Variants in KTN1 observed in about 807,000 individuals in gnomAD.
KTN1 encodes the protein kinectin 1, also known as kinectin.
Under a neutral mutation model 222.5 loss-of-function variants are expected in KTN1, and 130 were observed. The ratio of observed to expected loss-of-function variants is 0.58; its 90% CI spans 0.51 to 0.68. KTN1 has a LOEUF of 0.68. KTN1 is among the 30% of genes least tolerant of loss of function. KTN1 has a pLI of 0.00. For synonymous variants in KTN1, 512 were observed against 496.3 expected (o/e 1.03, Z -0.42); for missense variants, 1,508 against 1,500.4 (o/e 1.01, Z -0.08).
At chr14:55,593,171 A>G (rs912799942) in intron 1 of KTN1, among the ~76,000 whole-genome samples, 1 of 151,920 alleles carries the variant, frequency 6.6e-6, no homozygotes, top group African/African-American at 2.4e-5. Context: ...TTGTTTGGCA[A>G]CCCTTTTGCT....
At chr14:55,638,269 T>C (rs1323770365) in intron 12 of KTN1, among the ~76,000 whole-genome samples, 2 of 152,026 alleles carry the variant, frequency 1.3e-5, no homozygotes, top group African/African-American at 2.4e-5. Flanking sequence ...AAATGATCAA[T>C]TGAAAATTTG....
chr14:55,649,745 A>G (rs1595100365), intron 21 of KTN1, 31 bp from the exon 22 acceptor site: 1 of 1,350,504 alleles, frequency 7.4e-7, no homozygotes, highest in Non-Finnish European at 1.0e-6. Context: ...TTTTGAACAA[A>G]TTACTAAGTA....
chr14:55,646,496 TTTCCTTTCCTTTCCTTTCC>T (rs2042354831), intron 18 of KTN1, among the ~76,000 whole-genome samples: 13 of 113,972 alleles, frequency 1.1e-4, no homozygotes, highest in Admixed American at 3.7e-4. Context: ...TTTCCTTTCC[TTTCCTTTCCTTTCCTTTCC>T]TTTCCTTTCC....
intron 18 of KTN1, among the ~76,000 whole-genome samples, chr14:55,643,561 T>C (rs1444547946): frequency 6.6e-6 from 1 of 152,218 alleles, no homozygotes; most frequent in Non-Finnish European, 1.5e-5. Flanking sequence ...ATTAACTTCA[T>C]GGAGGTAAAA....
Position 55,610,873 on chromosome 14 carries a change from T to G in KTN1, c.-30-1146T>G, listed in dbSNP as rs547990087. Reference sequence around the variant, plus strand: ...GTATATTCAAGGCAGATGTTGGTAGTCAAATTACATCGCCACCCGCCCCCT... The same window carrying G: ...GTATATTCAAGGCAGATGTTGGTAGGCAAATTACATCGCCACCCGCCCCCT... On this transcript the variant is annotated intron_variant, in intron 1 of 43. Transcript: ENST00000395314. 1.2e-3 allele frequency among the ~76,000 whole-genome samples: 188 copies of G among 152,364 alleles called. 4 individuals carry two copies. The highest frequency in any genetic ancestry group is 7.5e-4 in the Non-Finnish European group (51 of 68,032).
intron 18 of KTN1, chr14:55,644,230 T>A: frequency 2.1e-6 from 1 of 470,176 alleles, no homozygotes; most frequent in Non-Finnish European, 3.8e-6. Flanking sequence ...ATTTCTGTCA[T>A]TTCCACTTTT....
At chr14:55,641,965 T>G (rs905691299) in intron 18 of KTN1, among the ~76,000 whole-genome samples, 1 of 152,160 alleles carries the variant, frequency 6.6e-6, no homozygotes, top group African/African-American at 2.4e-5. Flanking sequence ...CAAAAGCACA[T>G]TCCAGAAAAA....
At chr14:55,585,984 C>T (rs556624930) in intron 1 of KTN1, among the ~76,000 whole-genome samples, 30 of 152,274 alleles carry the variant, frequency 2.0e-4, no homozygotes, top group African/African-American at 5.8e-4. Flanking sequence ...TGTACATTGT[C>T]TATCAGGAGA....
chr14:55,648,671 A>G, intron 20 of KTN1, 131 bp from the exon 21 acceptor site: 1 of 681,982 alleles, frequency 1.5e-6, no homozygotes, highest in South Asian at 1.7e-5. Flanking sequence ...TAGACATGGA[A>G]AAAAGTGAGA....
chr14:55,580,361 G>T lies in KTN1; in HGVS notation c.-31+7G>T. The T allele has an allele frequency of 6.8e-6, 1 of 147,522 alleles. No individual in the cohort carries two copies. Among genetic ancestry groups the T allele is most frequent in the South Asian group, 1.9e-4 (1 of 5,272 alleles). 9.1% of individuals were successfully genotyped at this position (147,522 alleles called of 1,614,324 possible). On this transcript the variant is annotated splice_region_variant and intron_variant, in intron 1 of 43. Transcript: ENST00000395314. ...CCTTTCCCGGCCGCACAGGGTGAGG[G>T]AGAGCAGGCCGCACCGGGACGGGCG...
chr14:55,597,325 A>G (rs2035220812), intron 1 of KTN1, among the ~76,000 whole-genome samples: 1 of 152,202 alleles, frequency 6.6e-6, no homozygotes, highest in African/African-American at 2.4e-5. Flanking sequence ...ACAATTTCAG[A>G]GAATGATAAA....
intron 43 of KTN1, chr14:55,682,758 G>A (rs2141446442): frequency 6.6e-6 from 1 of 152,316 alleles, no homozygotes; most frequent in African/African-American, 2.4e-5. Context: ...TTTGGGTACA[G>A]GGCTTGTGTT....
At chr14:55,669,359 T>C (rs1455886747) in intron 34 of KTN1, among the ~76,000 whole-genome samples, 7 of 152,102 alleles carry the variant, frequency 4.6e-5, no homozygotes, top group Non-Finnish European at 7.4e-5. Flanking sequence ...AAGTTGAATA[T>C]TTCTGCATAT....
intron 1 of KTN1, among the ~76,000 whole-genome samples, chr14:55,600,871 A>G (rs550637747): frequency 2.0e-5 from 3 of 151,368 alleles, no homozygotes; most frequent in South Asian, 2.1e-4. Context: ...CTAATTATAA[A>G]TTAGATTTTT....
intron 29 of KTN1, among the ~76,000 whole-genome samples, chr14:55,656,690 C>T (rs2043515221): frequency 1.3e-5 from 2 of 152,238 alleles, no homozygotes; most frequent in South Asian, 2.1e-4. Context: ...TGGTCTCGAA[C>T]TCCTGACCTC....
chr14:55,610,893 C>T (rs1010718908), intron 1 of KTN1, among the ~76,000 whole-genome samples: 4 of 152,214 alleles, frequency 2.6e-5, no homozygotes, highest in Non-Finnish European at 4.4e-5. Context: ...TCGCCACCCG[C>T]CCCCTTCCCG....
intron 18 of KTN1, among the ~76,000 whole-genome samples, chr14:55,642,264 C>G (rs1219847597): frequency 6.6e-6 from 1 of 152,132 alleles, no homozygotes; most frequent in African/African-American, 2.4e-5. Flanking sequence ...GGTGCCTAGT[C>G]TAGTGCTTTG....
At chr14:55,633,442 G>T (rs10135907) in intron 8 of KTN1, 101 bp downstream of exon 8, 642,098 of 642,596 alleles carry the variant, frequency 1, 320,803 homozygotes, top group South Asian at 1. Context: ...AGACTTTTGT[G>T]TTTTTACATT....
Position 55,616,152 on chromosome 14 carries a change from AACTCCTGGGTTCAAGTGAT to A in KTN1, c.524-345_524-327del, listed in dbSNP as rs1013187245. On this transcript the variant is annotated intron_variant, in intron 2 of 43. Transcript: ENST00000395314. ...CACCACTTTGCCCAGGTTGGTCTGG[AACTCCTGGGTTCAAGTGAT>A]ACTCCTGGGTTCAAGTGATCCACCT... is the stretch of plus-strand genomic sequence containing the variant. Among the ~76,000 whole-genome samples the A allele has an allele frequency of 3.9e-5, 6 of 152,076 alleles. No individual in the cohort carries two copies. In the East Asian group the frequency reaches 7.7e-4, roughly 20 times the overall value.
Sources: allele counts gnomAD v4.1 joint callset (sites outside exome capture counted in the v4.1 genomes callset), GRCh38; gene constraint gnomAD v4.1.1; transcripts MANE v1.5; gene names NCBI Gene and HGNC (gene_info 2026-07-23, HGNC 2026-07-21).